The following CCDC191 variants were observed in gnomAD, a reference collection of about 807,000 sequenced individuals.
The protein encoded by CCDC191 is coiled-coil domain containing 191.
In CCDC191, 99 loss-of-function variants were observed where a neutral mutation model predicts 114.0. The observed-to-expected ratio is 0.87, with a 90% CI of 0.74 to 1.03. The LOEUF (loss-of-function observed/expected upper bound fraction) is 1.03. Ranked by LOEUF, CCDC191 falls within the 50% of genes least tolerant of loss-of-function variation. The pLI is 0.00. For missense variants in CCDC191, 973 were observed against 1,087.0 expected (o/e 0.90, Z 1.47); for synonymous variants, 351 against 376.0 (o/e 0.93, Z 0.77).
At chr3:113,998,609 C>T (rs151314565) in intron 13 of CCDC191, among the ~76,000 whole-genome samples, 12 of 152,248 alleles carry the variant, frequency 7.9e-5, no homozygotes, top group African/African-American at 2.2e-4. Flanking sequence ...AAGGCACTGC[C>T]GAGTACCCAA....
chr3:114,039,468 A>G (rs1286280955), intron 4 of CCDC191: 1 of 152,214 alleles, frequency 6.6e-6, no homozygotes, highest in African/African-American at 2.4e-5. Flanking sequence ...TATGATCACC[A>G]CTGCACAACA....
Position 114,031,711 on chromosome 3 carries a change from A to ATG in CCDC191, c.885_886dup (p.Ile296ThrfsTer10), listed in dbSNP as rs1047908851. The ATG allele has an allele frequency of 6.4e-7, 1 of 1,568,716 alleles. No individual in the cohort carries two copies. The highest frequency in any genetic ancestry group is 8.8e-7 in the Non-Finnish European group (1 of 1,139,076). On this transcript the variant is annotated frameshift_variant, in exon 7 of 17. Coordinates refer to ENST00000295878, the MANE Select transcript of CCDC191 (RefSeq NM_020817.2). LOFTEE classifies it high-confidence loss of function. ...CACCATTTTTTCCTCATCTGGAAGA[A>ATG]TGTGAGTACTTTGAAACATGACTTT...
intron 4 of CCDC191, among the ~76,000 whole-genome samples, chr3:114,039,147 A>T (rs558237990): frequency 6.6e-6 from 1 of 152,212 alleles, no homozygotes; most frequent in South Asian, 2.1e-4. Context: ...AATAACAACT[A>T]TGTTACTGGT....
rs780111754 is a variant in CCDC191, at chr3:114,035,032, C to T, written c.711G>A (p.Arg237=). ...CCTCTTTCTTGGCCTCCAGAGCCTT[C>T]CTTTTCTTCTCTTCTTGCACCAGAC... is the stretch of plus-strand genomic sequence containing the variant. ...AQCLVQEEKK[R]KALEAKKEEE... The change falls in exon 6 of 17, where the codon AGG becomes AGA. Residue 237 remains arginine (R), a synonymous_variant. Transcript: ENST00000295878. 1 of 1,614,106 alleles carries T rather than the reference C, an allele frequency of 6.2e-7. No homozygotes were observed. The highest frequency in any genetic ancestry group is 1.1e-5 in the South Asian group (1 of 91,074).
At chr3:114,004,825 C>A in intron 10 of CCDC191, 79 bp from the exon 11 acceptor site, 2 of 1,455,038 alleles carry the variant, frequency 1.4e-6, no homozygotes. Flanking sequence ...ATGCTCAAAG[C>A]CTTTTACAGA....
chr3:114,031,558 C>T (rs1168763985), intron 7 of CCDC191, 68 bp downstream of exon 7: 19 of 1,292,412 alleles, frequency 1.5e-5, no homozygotes, highest in Admixed American at 9.2e-5. Context: ...TATTTTATCC[C>T]ATCTCTGATG....
chr3:114,021,019 G>C (rs985103968), intron 7 of CCDC191, among the ~76,000 whole-genome samples: 1 of 152,054 alleles, frequency 6.6e-6, no homozygotes, highest in Admixed American at 6.6e-5. Context: ...AAGGTTTAAT[G>C]ACTAAAATCA....
chr3:114,009,864 C>G (rs1043436251), intron 9 of CCDC191, among the ~76,000 whole-genome samples: 2 of 152,064 alleles, frequency 1.3e-5, no homozygotes, highest in Non-Finnish European at 1.5e-5. Flanking sequence ...AGGAGCTAAA[C>G]AAATTCCAGC....
intron 13 of CCDC191, among the ~76,000 whole-genome samples, chr3:114,000,438 A>T (rs2107654505): frequency 6.6e-6 from 1 of 152,326 alleles, no homozygotes; most frequent in South Asian, 2.1e-4. Context: ...TCCAGATGGC[A>T]GATGGCAGAT....
chr3:113,970,658 G>A (rs554189721), intron 16 of CCDC191, among the ~76,000 whole-genome samples: 1 of 152,186 alleles, frequency 6.6e-6, no homozygotes, highest in Admixed American at 6.5e-5. Flanking sequence ...ATGTTGGTGT[G>A]CTGCACCCAT....
intron 3 of CCDC191, among the ~76,000 whole-genome samples, chr3:114,043,355 G>A (rs950029290): frequency 2.1e-4 from 32 of 152,082 alleles, no homozygotes; most frequent in Non-Finnish European, 4.0e-4. Context: ...CAGGTTTAGG[G>A]GAATGTTTAG....
At position 113,965,312 on chromosome 3, in the gene CCDC191, A is replaced by T; in HGVS notation, c.2654T>A (p.Phe885Tyr). 1 of 1,610,264 alleles carries T rather than the reference A, an allele frequency of 6.2e-7. No individual in the cohort carries two copies. The highest frequency in any genetic ancestry group is 1.1e-5 in the South Asian group (1 of 90,282). Reference protein sequence around the residue: ...TLRTWKKFVKFMKEERVKEER... With the variant: ...TLRTWKKFVKYMKEERVKEER... ...TTCTTTTACTCTTTCCTCTTTCATA[A>T]ATTTTACAAACTTCTTCCATGTCCG... The change falls in exon 17 of 17, where the codon TTT becomes TAT. Residue 885 changes from phenylalanine (F) to tyrosine (Y), a missense_variant. Phe to Tyr is a conservative substitution (Grantham distance 22). Coordinates refer to ENST00000295878, the MANE Select transcript of CCDC191 (RefSeq NM_020817.2).
At chr3:113,986,922 G>A (rs908609755) in intron 13 of CCDC191, among the ~76,000 whole-genome samples, 3 of 152,100 alleles carry the variant, frequency 2.0e-5, no homozygotes, top group African/African-American at 7.2e-5. Context: ...CAACCATGCA[G>A]GCACCCTGAT....
intron 4 of CCDC191, among the ~76,000 whole-genome samples, chr3:114,041,738 G>A (rs1164016336): frequency 1.3e-5 from 2 of 152,188 alleles, no homozygotes; most frequent in East Asian, 3.9e-4. Flanking sequence ...ATTCACCAAG[G>A]GTATCTGAGT....
intron 4 of CCDC191, among the ~76,000 whole-genome samples, chr3:114,038,892 G>A (rs149130799): frequency 5.2e-4 from 79 of 152,262 alleles, no homozygotes; most frequent in African/African-American, 1.6e-3. Context: ...TGGGTGGCAG[G>A]GGGAGGAAGA....
chr3:114,041,901 T>C (rs2076566661), intron 4 of CCDC191, among the ~76,000 whole-genome samples: 1 of 151,832 alleles, frequency 6.6e-6, no homozygotes, highest in Non-Finnish European at 1.5e-5. Flanking sequence ...TTTTCTCTCC[T>C]CTGGAAAAAA....
At chr3:113,973,395 T>C (rs1941010996) in intron 16 of CCDC191, among the ~76,000 whole-genome samples, 1 of 152,170 alleles carries the variant, frequency 6.6e-6, no homozygotes, top group Non-Finnish European at 1.5e-5. Context: ...CTTAATTTTA[T>C]CAGTAGGTTT....
At chr3:113,984,812 C>A (rs1456951416) in intron 13 of CCDC191, among the ~76,000 whole-genome samples, 2 of 152,206 alleles carry the variant, frequency 1.3e-5, no homozygotes, top group Non-Finnish European at 2.9e-5. Context: ...AAAATGATCT[C>A]TTGGTCAGTA....
chr3:113,999,295 A>G (rs2075804566), intron 13 of CCDC191, among the ~76,000 whole-genome samples: 1 of 152,120 alleles, frequency 6.6e-6, no homozygotes, highest in Non-Finnish European at 1.5e-5. Context: ...AGACATAATG[A>G]TTCCACTTAA....
Sources: allele counts gnomAD v4.1 joint callset (sites outside exome capture counted in the v4.1 genomes callset), GRCh38; gene constraint gnomAD v4.1.1; transcripts MANE v1.5; gene names NCBI Gene and HGNC (gene_info 2026-07-23, HGNC 2026-07-21).